The following FNTB variants were observed in gnomAD, a reference collection of about 807,000 sequenced individuals.
The protein encoded by FNTB is protein farnesyltransferase subunit beta.
In FNTB, 27 loss-of-function variants were observed where a neutral mutation model predicts 59.4. The ratio of observed to expected loss-of-function variants is 0.45; its 90% CI spans 0.34 to 0.63. The LOEUF (loss-of-function observed/expected upper bound fraction) is 0.63. Among genes scored for constraint, FNTB ranks in the 20% least tolerant of loss-of-function variants. The pLI is 0.02. For missense variants in FNTB, 449 were observed against 559.6 expected (o/e 0.80, Z 1.99); for synonymous variants, 230 against 220.7 (o/e 1.04, Z -0.37).
At chr14:64,989,305 G>A (rs569479981) in intron 1 of FNTB, among the ~76,000 whole-genome samples, 10 of 148,184 alleles carry the variant, frequency 6.7e-5, no homozygotes, top group South Asian at 2.1e-4. Flanking sequence ...GTAGCTGAGC[G>A]TGGTGGCATG....
Position 65,034,656 on chromosome 14 carries a change from T to A in FNTB, c.692+1960T>A, listed in dbSNP as rs537777098. Among the ~76,000 whole-genome samples the A allele has an allele frequency of 2.6e-5, 4 of 152,296 alleles. No individual in the cohort carries two copies. In the South Asian group the frequency reaches 8.3e-4, roughly 32 times the overall value. ...GCCTGTGTTTGGTTCTCTTTTATAT[T>A]TTGTGTTTCTCAGCTGAGATTTTCC... On this transcript the variant is annotated intron_variant, in intron 7 of 11. Coordinates refer to ENST00000246166, the MANE Select transcript of FNTB (RefSeq NM_002028.4).
chr14:65,058,580 T>G (rs1359659775), intron 11 of FNTB, among the ~76,000 whole-genome samples: 1 of 152,246 alleles, frequency 6.6e-6, no homozygotes, highest in African/African-American at 2.4e-5. Flanking sequence ...TTAAGCATGA[T>G]GTTTACTGTA....
At chr14:64,995,561 G>C (rs1305444212) in intron 1 of FNTB, among the ~76,000 whole-genome samples, 1 of 151,934 alleles carries the variant, frequency 6.6e-6, no homozygotes, top group Non-Finnish European at 1.5e-5. Context: ...GTCTTAACGG[G>C]ACTGCCGTGG....
At chr14:64,999,660 T>G (rs1026543157) in intron 1 of FNTB, among the ~76,000 whole-genome samples, 1 of 152,054 alleles carries the variant, frequency 6.6e-6, no homozygotes, top group Non-Finnish European at 1.5e-5. Context: ...GTTAAAAAAA[T>G]ACACCAGTTC....
chr14:65,015,650 T>C lies in FNTB; in HGVS notation c.308T>C (p.Leu103Pro). The change falls in exon 4 of 12, where the codon CTC becomes CCC. Residue 103 changes from leucine to proline, a missense_variant. By Grantham distance (98) the Leu-to-Pro change is moderately conservative (BLOSUM62 -3). Coordinates refer to ENST00000246166, the MANE Select transcript of FNTB (RefSeq NM_002028.4). ...YECLDASRPW[L>P]CYWILHSLEL... ...TGTCTGGATGCCAGCCGCCCATGGC[T>C]CTGCTATTGGATCCTGCACAGCTTG... 1 of 1,614,134 alleles carries C rather than the reference T, an allele frequency of 6.2e-7. No individual in the cohort carries two copies. The highest frequency in any genetic ancestry group is 8.5e-7 in the Non-Finnish European group (1 of 1,180,016).
At chr14:65,038,271 G>A (rs562847923) in intron 7 of FNTB, among the ~76,000 whole-genome samples, 4 of 151,888 alleles carry the variant, frequency 2.6e-5, no homozygotes, top group African/African-American at 9.7e-5. Flanking sequence ...TTAGCCGGGT[G>A]TGGTGGTGGG....
At position 65,014,091 on chromosome 14, in the gene FNTB, T is replaced by C. The variant is rs976599109; in HGVS notation, c.283-1534T>C. Among the ~76,000 whole-genome samples the C allele has an allele frequency of 1.3e-5, 2 of 152,194 alleles. No individual in the cohort carries two copies. Among genetic ancestry groups the C allele is most frequent in the Non-Finnish European group, 2.9e-5 (2 of 68,036 alleles). On this transcript the variant is annotated intron_variant, in intron 3 of 11. Transcript: ENST00000246166. This position sits in a 1 kb window ranked among gnomAD's most constrained non-coding sequence, Gnocchi z 5.1. ...TCAGCATAGTTTTGAAGAGAGCAGC[T>C]TGGGCCAACGGAAAGAACACTGGAT...
intron 8 of FNTB, 56 bp downstream of exon 8, chr14:65,040,975 G>A (rs1241425786): frequency 1.0e-5 from 16 of 1,595,548 alleles, no homozygotes; most frequent in African/African-American, 2.7e-5. Context: ...TGATGTGATT[G>A]TACTCAGACA....
rs1555336297 is a variant in FNTB, at chr14:65,040,285, A to ATATATATATATGTATATATATGTGTGTG, written c.693-480_693-479insGTGTATATATATATGTATATATATGTGT. Among the ~76,000 whole-genome samples the ATATATATATATGTATATATATGTGTGTG allele has an allele frequency of 0.01, 1,493 of 145,126 alleles. 36 individuals carry two copies. In the East Asian group the frequency reaches 0.11, roughly 10 times the overall value. ...TATATATATGTATATATATGTGTGTATATATATATATGTATATATATGTGT... is the reference window on the plus strand; with the variant it reads ...TATATATATGTATATATATGTGTGTATATATATATATGTATATATATGTGTGTGTATATATATATGTATATATATGTGT... On this transcript the variant is annotated intron_variant, in intron 7 of 11. Transcript: ENST00000246166.
chr14:65,061,060 TTGTG>T, intron 11 of FNTB, 117 bp from the exon 12 acceptor site: 2 of 1,486,086 alleles, frequency 1.3e-6, no homozygotes, highest in Non-Finnish European at 1.8e-6. Flanking sequence ...CCTTTGGGCT[TTGTG>T]TGTATCTCTG....
chr14:64,987,186 C>T, intron 1 of FNTB, 89 bp downstream of exon 1: 1 of 1,478,980 alleles, frequency 6.8e-7, no homozygotes, highest in Non-Finnish European at 9.3e-7. Flanking sequence ...GCGGAACTCA[C>T]CGGGGAACTA....
rs181583148 is a variant in FNTB at position 64,991,464 on chromosome 14, C to T, written c.144+4367C>T. On this transcript the variant is annotated intron_variant, in intron 1 of 11. Coordinates refer to ENST00000246166, the MANE Select transcript of FNTB (RefSeq NM_002028.4). This position sits in a 1 kb window ranked among gnomAD's most constrained non-coding sequence, Gnocchi z 4.4. ...TAAAAAAATACAAAAATTAGCTAGGCGTGGTGGTGTGCACCTGTAATACCA... is the reference window on the plus strand; with the variant it reads ...TAAAAAAATACAAAAATTAGCTAGGTGTGGTGGTGTGCACCTGTAATACCA... Among the ~76,000 whole-genome samples the T allele has an allele frequency of 2.6e-5, 4 of 152,008 alleles. No individual in the cohort carries two copies. The East Asian group carries it at 5.8e-4, about 22-fold the overall frequency.
At chr14:65,040,968 T>C (rs369967703) in intron 8 of FNTB, 49 bp downstream of exon 8, 16 of 1,601,024 alleles carry the variant, frequency 1.0e-5, no homozygotes, top group Non-Finnish European at 1.3e-5. Flanking sequence ...GTCATGGTGA[T>C]GTGATTGTAC....
rs545680423 is a variant in FNTB at position 65,054,239 on chromosome 14, A to G, written c.1068-336A>G. Among the ~76,000 whole-genome samples the G allele has an allele frequency of 6.6e-6, 1 of 152,116 alleles. No homozygotes were observed. ...GTGATCCTCCTGCTTCAGCCTCCCA[A>G]GTAACTGGAATTACAGGCATCGGCC... On this transcript the variant is annotated intron_variant, in intron 10 of 11. Coordinates refer to ENST00000246166, the MANE Select transcript of FNTB (RefSeq NM_002028.4). The surrounding 1 kb of genome is among the most constrained non-coding windows in gnomAD (Gnocchi z 4.4).
rs768367343 is a variant in FNTB at position 65,054,740 on chromosome 14, CAGAA to C, written c.1182+52_1182+55del. 3.9e-6 allele frequency: 6 copies of C among 1,546,662 alleles called. No individual in the cohort carries two copies. In the East Asian group the frequency reaches 1.5e-4, roughly 37 times the overall value. ...CCCTTCTCCACAGGGACCTCGCGGA[CAGAA>C]GGCTTTCCAAGTAAGCAGAACTGGC... On this transcript the variant is annotated intron_variant, in intron 11 of 11. Transcript: ENST00000246166. The surrounding 1 kb of genome is among the most constrained non-coding windows in gnomAD (Gnocchi z 4.4).
intron 4 of FNTB, among the ~76,000 whole-genome samples, chr14:65,026,872 AC>A (rs200377264): frequency 5.9e-5 from 9 of 152,136 alleles, no homozygotes; most frequent in South Asian, 2.1e-4. Flanking sequence ...AAAAAAAAAA[AC>A]AAAAAAACAA....
intron 4 of FNTB, among the ~76,000 whole-genome samples, chr14:65,017,227 G>A (rs1474214775): frequency 6.6e-6 from 1 of 152,012 alleles, no homozygotes; most frequent in Non-Finnish European, 1.5e-5. Context: ...CCAGCCTCGT[G>A]TGTTTTTGAA....
Position 65,054,261 on chromosome 14 carries a change from G to A in FNTB, c.1068-314G>A, listed in dbSNP as rs1161704572. 2.0e-5 allele frequency among the ~76,000 whole-genome samples: 3 copies of A among 151,922 alleles called. No individual in the cohort carries two copies. The highest frequency in any genetic ancestry group is 2.9e-5 in the Non-Finnish European group (2 of 68,010). On this transcript the variant is annotated intron_variant, in intron 10 of 11. Transcript: ENST00000246166. The surrounding 1 kb of genome is among the most constrained non-coding windows in gnomAD (Gnocchi z 4.4). ...CCAAGTAACTGGAATTACAGGCATC[G>A]GCCACCACACCTAGCTAATTTTTAA...
rs979714571 is a variant in FNTB, at chr14:65,012,688, T to C, written c.282+299T>C. Among the ~76,000 whole-genome samples the C allele has an allele frequency of 6.6e-6, 1 of 152,240 alleles. No homozygotes were observed. The highest frequency in any genetic ancestry group is 2.4e-5 in the African/African-American group (1 of 41,462). ...TAGACCTCCTTGACAGCTGGCTAAA[T>C]GCCAGTTACCTGTTCACCCTTAACC... On this transcript the variant is annotated intron_variant, in intron 3 of 11. Transcript: ENST00000246166. The surrounding 1 kb of genome is among the most constrained non-coding windows in gnomAD (Gnocchi z 5.0).
Sources: allele counts gnomAD v4.1 joint callset (sites outside exome capture counted in the v4.1 genomes callset), GRCh38; gene constraint gnomAD v4.1.1; non-coding constraint Gnocchi (gnomAD v3.1); transcripts MANE v1.5; gene names NCBI Gene and HGNC (gene_info 2026-07-23, HGNC 2026-07-21).